ZC3H7A: variants seen among roughly 807,000 people sequenced by gnomAD.
ZC3H7A encodes zinc finger CCCH domain-containing protein 7A.
In ZC3H7A, 44 loss-of-function variants were observed where a neutral mutation model predicts 125.5. The ratio of observed to expected loss-of-function variants is 0.35; its 90% confidence interval spans 0.28 to 0.45. ZC3H7A has a LOEUF of 0.45. ZC3H7A is among the 20% of genes least tolerant of loss of function. The probability of loss-of-function intolerance (pLI) is 1.00; values close to 1 mark genes in which losing one functional copy is unlikely to be tolerated. For missense variants in ZC3H7A, 977 were observed against 1,170.7 expected, an observed-to-expected ratio of 0.83 and a Z score of 2.41; for synonymous variants, 399 against 391.2, an observed-to-expected ratio of 1.02 and a Z score of -0.23.
chr16:11,790,573 C>A (rs1328932382), intron 1 of ZC3H7A, among the ~76,000 whole-genome samples: 1 of 152,072 alleles, frequency 6.6e-6, no homozygotes, highest in Non-Finnish European at 1.5e-5. Context: ...GAGTTTCACT[C>A]TTATTGCCCA....
At chr16:11,769,723 A>AAAAAAAAAAAC (rs2052939101) in intron 10 of ZC3H7A, among the ~76,000 whole-genome samples, 1 of 147,194 alleles carries the variant, frequency 6.8e-6, no homozygotes, top group African/African-American at 2.5e-5. Context: ...AAAAAAAAAA[A>AAAAAAAAAAAC]AAAAAAGCAG....
intron 1 of ZC3H7A, among the ~76,000 whole-genome samples, chr16:11,789,873 G>T (rs928407458): frequency 4.0e-5 from 6 of 151,800 alleles, no homozygotes; most frequent in African/African-American, 1.5e-4. Flanking sequence ...TTGAAGTCAG[G>T]AGTTCCAGAC....
At chr16:11,753,449 C>CT (rs1354943209) in intron 21 of ZC3H7A, among the ~76,000 whole-genome samples, 1 of 152,072 alleles carries the variant, frequency 6.6e-6, no homozygotes, top group African/African-American at 2.4e-5. Context: ...CTTTTTATTA[C>CT]TTTATTTTTT....
intron 1 of ZC3H7A, among the ~76,000 whole-genome samples, chr16:11,788,828 G>C (rs1162674605): frequency 6.6e-6 from 1 of 152,030 alleles, no homozygotes; most frequent in Non-Finnish European, 1.5e-5. Context: ...TGGTCAGGCT[G>C]GTCTCGAACT....
intron 4 of ZC3H7A, 144 bp downstream of exon 4, chr16:11,779,022 T>G: frequency 1.4e-6 from 1 of 729,132 alleles, no homozygotes; most frequent in South Asian, 2.0e-5. Context: ...AATCCAAAGC[T>G]AATTTTTAAA....
chr16:11,787,263 A>G (rs1318933581), intron 1 of ZC3H7A, among the ~76,000 whole-genome samples: 1 of 152,174 alleles, frequency 6.6e-6, no homozygotes, highest in East Asian at 1.9e-4. Context: ...TGACCGCGCC[A>G]CTACAACCCA....
intron 10 of ZC3H7A, among the ~76,000 whole-genome samples, chr16:11,770,439 T>C (rs954084244): frequency 6.6e-6 from 1 of 152,222 alleles, no homozygotes; most frequent in Non-Finnish European, 1.5e-5. Context: ...CAGAATTTAA[T>C]AGCATAGCCT....
Position 11,769,011 on chromosome 16 carries a change from A to G in ZC3H7A, c.1173+20T>C. On this transcript the variant is annotated intron_variant, in intron 11 of 22. Transcript: ENST00000355758. ...TTTCAATTCAAGCGATGTATTTACA[A>G]AAGAGGAAGTGGCACTTACAAGTAA... 6.3e-7 allele frequency: 1 copy of G among 1,593,696 alleles called. No individual in the cohort carries two copies. The highest frequency in any genetic ancestry group is 1.1e-5 in the South Asian group (1 of 87,352).
intron 1 of ZC3H7A, among the ~76,000 whole-genome samples, chr16:11,792,812 C>T (rs759500509): frequency 2.0e-5 from 3 of 152,180 alleles, no homozygotes; most frequent in Non-Finnish European, 1.5e-5. Flanking sequence ...GTGCCAAAGA[C>T]GCCTGGAGGG....
In ZC3H7A at chr16:11,766,538, C is replaced by T. The variant is rs1253330790; in HGVS notation, c.1523-853G>A. ...CCGAGATTGTGCCTGTGCACCCCAGCCTGGGAGACAGAGCGAGACTCTGTC... is the reference window on the plus strand; with the variant it reads ...CCGAGATTGTGCCTGTGCACCCCAGTCTGGGAGACAGAGCGAGACTCTGTC... On this transcript the variant is annotated intron_variant, in intron 13 of 22. Coordinates refer to ENST00000355758, the MANE Select transcript of ZC3H7A (RefSeq NM_014153.4). 3.3e-5 allele frequency among the ~76,000 whole-genome samples: 5 copies of T among 152,258 alleles called. No individual in the cohort carries two copies. In the East Asian group the frequency reaches 7.7e-4, roughly 23 times the overall value.
At position 11,774,526 on chromosome 16, in the gene ZC3H7A, C is replaced by G; in HGVS notation, c.620-7G>C. The G allele has an allele frequency of 6.6e-7, 1 of 1,514,950 alleles. No individual in the cohort carries two copies. Among genetic ancestry groups the G allele is most frequent in the East Asian group, 2.3e-5 (1 of 43,550 alleles). 93.8% of individuals were successfully genotyped at this position (1,514,950 alleles called of 1,614,324 possible). A position where few individuals can be genotyped will look rare whatever the true frequency, so the allele number is the denominator to read the frequency against. The stretch of plus-strand genomic sequence containing the variant: ...TGCCTTGGAGTTAATAAATCTGTAA[C>G]ACAGATGGAAATGTACTCAGTCACT... On this transcript the variant is annotated splice_region_variant and splice_polypyrimidine_tract_variant and intron_variant, in intron 8 of 22. Transcript: ENST00000355758.
intron 3 of ZC3H7A, among the ~76,000 whole-genome samples, chr16:11,780,231 G>A (rs774022314): frequency 3.3e-5 from 5 of 150,814 alleles, no homozygotes; most frequent in East Asian, 3.9e-4. Flanking sequence ...AGTGATTCTC[G>A]TGTCTTAGCC....
chr16:11,782,290 A>G lies in ZC3H7A; in HGVS notation c.65T>C (p.Ile22Thr). 1.2e-6 allele frequency: 2 copies of G among 1,614,232 alleles called. No individual in the cohort carries two copies. Residue 22 changes from isoleucine to threonine, a missense_variant, in exon 2 of 23, where the codon ATA (isoleucine) becomes ACA (threonine). Physicochemically the swap from Ile to Thr is moderately conservative, Grantham distance 89 (BLOSUM62 -1). Around this residue, in one of 3 missense-constraint regions of ZC3H7A, gnomAD observed 199 missense variants for 256.1 expected, o/e 0.78. Coordinates refer to ENST00000355758, the MANE Select transcript of ZC3H7A (RefSeq NM_014153.4). ...ACAAGAACTCTGAAGCTCTTACTGT[A>G]TAAACTGCAGTCCTTCCTTAATGTT... ...QQNIKEGLQF[I>T]QSPLSYPGTQ...
Position 11,756,817 on chromosome 16 carries a change from A to G in ZC3H7A, c.2429-447T>C, listed in dbSNP as rs1298417473. On this transcript the variant is annotated intron_variant, in intron 20 of 22. Coordinates refer to ENST00000355758, the MANE Select transcript of ZC3H7A (RefSeq NM_014153.4). ...GCTTACTGAGAAAGATGAGAAACAT[A>G]CTACTACTGGACCAAGATTCTGACC... Among the ~76,000 whole-genome samples, 5 of 152,162 alleles carry G rather than the reference A, an allele frequency of 3.3e-5. No individual in the cohort carries two copies. In the East Asian group the frequency reaches 9.6e-4, roughly 29 times the overall value.
chr16:11,762,607 C>G (rs1381941408), intron 17 of ZC3H7A, 64 bp downstream of exon 17: 1 of 1,494,552 alleles, frequency 6.7e-7, no homozygotes, highest in Non-Finnish European at 9.3e-7. Context: ...CCACCAACAA[C>G]CAACATCTAT....
At position 11,776,581 on chromosome 16, in the gene ZC3H7A, TGAA is replaced by T. The variant is rs757373220; in HGVS notation, c.466-52_466-50del. ...TTAACAGGGTTATATTTACTAATGG[TGAA>T]GAAGAATAGACAAAACAGGGAAGTT... is the stretch of plus-strand genomic sequence containing the variant. On this transcript the variant is annotated intron_variant, in intron 5 of 22. Transcript: ENST00000355758. 20 of 1,541,616 alleles carry T rather than the reference TGAA, an allele frequency of 1.3e-5. No homozygotes were observed. In the South Asian group the frequency reaches 1.7e-4, roughly 13 times the overall value.
At chr16:11,753,888 G>A (rs1191211254) in intron 21 of ZC3H7A, 1 of 152,288 alleles carries the variant, frequency 6.6e-6, no homozygotes, top group East Asian at 1.9e-4. Flanking sequence ...AACCTTAGGT[G>A]ATCCACCTGC....
chr16:11,785,195 C>G (rs1308703394), intron 1 of ZC3H7A, among the ~76,000 whole-genome samples: 2 of 151,604 alleles, frequency 1.3e-5, no homozygotes, highest in Non-Finnish European at 2.9e-5. Flanking sequence ...AAAGATTAGC[C>G]AGGCATGGTG....
In ZC3H7A at chr16:11,767,496, A is replaced by G. The variant is rs763605144; in HGVS notation, c.1443T>C (p.Asn481=). 2 of 1,612,332 alleles carry G rather than the reference A, an allele frequency of 1.2e-6. No homozygotes were observed. Among genetic ancestry groups the G allele is most frequent in the Admixed American group, 1.7e-5 (1 of 59,852 alleles). The part of the protein sequence containing the change: ...KKDILIGRIK[N]VEDKSWKKIR... ...TTTTTTTCCATGATTTATCTTCAAC[A>G]TTCTTTATCCTACCGATTAAAATAT... Residue 481 remains asparagine, a synonymous_variant, in exon 13 of 23, where the codon AAT becomes AAC. Coordinates refer to ENST00000355758, the MANE Select transcript of ZC3H7A (RefSeq NM_014153.4).
Sources: gnomAD v4.1 joint callset for allele counts (sites outside exome capture counted in the v4.1 genomes callset) on GRCh38, gnomAD v4.1.1 for gene constraint, gnomAD v4.1.1 regional missense constraint, MANE v1.5 for transcripts, NCBI Gene and HGNC (gene_info 2026-07-23, HGNC 2026-07-21) for gene names.